Variants in RIMBP2 observed in about 807,000 individuals in gnomAD.
RIMBP2 encodes the protein RIMS-binding protein 2.
RIMBP2 carries 48 observed loss-of-function variants against 118.6 expected under a neutral mutation model. The ratio of observed to expected loss-of-function variants is 0.40; its 90% CI spans 0.32 to 0.51. RIMBP2 has a LOEUF of 0.51. RIMBP2 is among the 20% of genes least tolerant of loss of function. RIMBP2 has a pLI of 0.41. For synonymous variants in RIMBP2, 762 were observed against 742.9 expected (o/e 1.03, Z -0.42); for missense variants, 1,551 against 1,768.3 (o/e 0.88, Z 2.20).
chr12:130,645,580 C>T (rs1594133436), intron 1 of RIMBP2, among the ~76,000 whole-genome samples: 1 of 152,144 alleles, frequency 6.6e-6, no homozygotes, highest in African/African-American at 2.4e-5. Flanking sequence ...AAAGTCATGC[C>T]CTCTCCCACT....
chr12:130,571,552 T>A (rs573387783), intron 2 of RIMBP2, among the ~76,000 whole-genome samples: 34 of 151,980 alleles, frequency 2.2e-4, no homozygotes, highest in Non-Finnish European at 4.1e-4. Flanking sequence ...CCCGGGTAGC[T>A]GGAATTACAG....
intron 1 of RIMBP2, among the ~76,000 whole-genome samples, chr12:130,698,118 G>A (rs2065661865): frequency 1.3e-5 from 2 of 152,096 alleles, no homozygotes; most frequent in African/African-American, 4.8e-5. Context: ...AGACAGAGAA[G>A]GACAGGGAAG....
intron 1 of RIMBP2, among the ~76,000 whole-genome samples, chr12:130,681,376 T>C (rs1036178522): frequency 3.3e-5 from 5 of 152,234 alleles, no homozygotes; most frequent in African/African-American, 4.8e-5. Context: ...GTGAACACTT[T>C]AGTAACTTTA....
Position 130,438,501 on chromosome 12 carries a change from G to A in RIMBP2, c.1520C>T (p.Pro507Leu), listed in dbSNP as rs1313318719. ...CCCAGCCTGGACGGTAACATCTTGT[G>A]GGGGTGCTGGGGGTCCTGGGAGGGG... is the stretch of plus-strand genomic sequence containing the variant. ...STLPAGPPAP[P>L]QDVTVQAGVT... The change falls in exon 12 of 23, where the codon CCA (proline) becomes CTA (leucine). Residue 507 changes from proline to leucine, a missense_variant. Physicochemically the swap from Pro to Leu is moderately conservative, Grantham distance 98. Coordinates refer to ENST00000690449, the MANE Select transcript of RIMBP2 (RefSeq NM_001393629.1). The A allele has an allele frequency of 6.2e-7, 1 of 1,603,648 alleles. No individual in the cohort carries two copies. The highest frequency in any genetic ancestry group is 1.3e-5 in the African/African-American group (1 of 74,698).
chr12:130,462,482 G>A (rs1166822933), intron 6 of RIMBP2, among the ~76,000 whole-genome samples: 1 of 152,196 alleles, frequency 6.6e-6, no homozygotes, highest in Non-Finnish European at 1.5e-5. Flanking sequence ...TAAGGGATGG[G>A]AGAAACGGGC....
At chr12:130,433,571 G>A (rs190366626) in intron 14 of RIMBP2, among the ~76,000 whole-genome samples, 5 of 152,210 alleles carry the variant, frequency 3.3e-5, no homozygotes, top group Admixed American at 6.5e-5. Context: ...GTGGGCTTTC[G>A]GATGACACAT....
At chr12:130,570,894 G>T (rs1371824860) in intron 2 of RIMBP2, among the ~76,000 whole-genome samples, 1 of 152,186 alleles carries the variant, frequency 6.6e-6, no homozygotes, top group African/African-American at 2.4e-5. Context: ...GTGGATAAAG[G>T]AGAAATTAAC....
At chr12:130,521,399 A>C (rs1194768853) in intron 2 of RIMBP2, among the ~76,000 whole-genome samples, 4 of 152,198 alleles carry the variant, frequency 2.6e-5, no homozygotes, top group Admixed American at 2.6e-4. Flanking sequence ...ACTAGCCGTG[A>C]CAGTTCCCAG....
At position 130,641,541 on chromosome 12, in the gene RIMBP2, C is replaced by T. The variant is rs192687834; in HGVS notation, c.-351-13085G>A. 5.9e-5 allele frequency among the ~76,000 whole-genome samples: 9 copies of T among 152,224 alleles called. No individual in the cohort carries two copies. The East Asian group carries it at 7.8e-4, about 13-fold the overall frequency. ...GCTGGATTTAGGATGGTGACTGCAG[C>T]GCTTTGCCTTTCTTCTGCATCATAA... On this transcript the variant is annotated intron_variant, in intron 1 of 22. Transcript: ENST00000690449.
chr12:130,548,764 G>A lies in RIMBP2; in HGVS notation c.-216-30847C>T, dbSNP rs141245591. On this transcript the variant is annotated intron_variant, in intron 2 of 22. Coordinates refer to ENST00000690449, the MANE Select transcript of RIMBP2 (RefSeq NM_001393629.1). Reference sequence around the variant, plus strand: ...AATTTTTGTATTTTTAGTAGAGACGGGGTTTCACCATGTTGACCAGGCTGG... The same window carrying A: ...AATTTTTGTATTTTTAGTAGAGACGAGGTTTCACCATGTTGACCAGGCTGG... Among the ~76,000 whole-genome samples the A allele has an allele frequency of 9.6e-3, 1,452 of 151,502 alleles. 12 individuals are homozygous for A. Among genetic ancestry groups the A allele is most frequent in the Non-Finnish European group, 0.016 (1,076 of 67,918 alleles).
At chr12:130,591,488 A>ACAGT (rs1250341574) in intron 2 of RIMBP2, among the ~76,000 whole-genome samples, 2 of 151,862 alleles carry the variant, frequency 1.3e-5, no homozygotes, top group Non-Finnish European at 2.9e-5. Context: ...GTGACTTAGA[A>ACAGT]CAGTGGAAAT....
intron 1 of RIMBP2, among the ~76,000 whole-genome samples, chr12:130,679,262 C>T (rs1045488586): frequency 2.6e-5 from 4 of 152,164 alleles, no homozygotes; most frequent in Admixed American, 2.6e-4. Context: ...GATTCCAGTT[C>T]GCTGGATTTG....
chr12:130,450,846 G>T lies in RIMBP2; in HGVS notation c.504+349C>A, dbSNP rs1005748292. On this transcript the variant is annotated intron_variant, in intron 8 of 22. Coordinates refer to ENST00000690449, the MANE Select transcript of RIMBP2 (RefSeq NM_001393629.1). This position sits in a 1 kb window ranked among gnomAD's most constrained non-coding sequence, Gnocchi z 4.8. Reference sequence around the variant, plus strand: ...TCCCATCAATGCCACAGGACAGGACGCGCAGGGCCCTCCCCAACCTCCACA... The same window carrying T: ...TCCCATCAATGCCACAGGACAGGACTCGCAGGGCCCTCCCCAACCTCCACA... Among the ~76,000 whole-genome samples, 6 of 151,832 alleles carry T rather than the reference G, an allele frequency of 4.0e-5. No homozygotes were observed. Among genetic ancestry groups the T allele is most frequent in the Non-Finnish European group, 8.8e-5 (6 of 68,000 alleles).
chr12:130,627,136 A>G (rs2061691467), intron 2 of RIMBP2, among the ~76,000 whole-genome samples: 3 of 152,102 alleles, frequency 2.0e-5, no homozygotes, highest in Non-Finnish European at 1.5e-5. Flanking sequence ...CATCTCCTCC[A>G]TCACCAGGAC....
chr12:130,556,707 CCAACT>C (rs2056389644), intron 2 of RIMBP2, among the ~76,000 whole-genome samples: 1 of 152,184 alleles, frequency 6.6e-6, no homozygotes, highest in Non-Finnish European at 1.5e-5. Flanking sequence ...TGCTACCCTC[CCAACT>C]CAAGATGGTG....
At position 130,539,452 on chromosome 12, in the gene RIMBP2, G is replaced by A. The variant is rs572815318; in HGVS notation, c.-216-21535C>T. On this transcript the variant is annotated intron_variant, in intron 2 of 22. Transcript: ENST00000690449. The stretch of plus-strand genomic sequence containing the variant: ...TGAGTGCTGTGGGCACCTCGAGGGA[G>A]GAGCTCCAGGCAGAGGGAGCAGCAC... Among the ~76,000 whole-genome samples the A allele has an allele frequency of 8.5e-5, 13 of 152,362 alleles. No homozygotes were observed. The East Asian group carries it at 2.3e-3, about 27-fold the overall frequency.
chr12:130,654,148 T>G (rs2063335421), intron 1 of RIMBP2, among the ~76,000 whole-genome samples: 1 of 152,258 alleles, frequency 6.6e-6, no homozygotes, highest in Non-Finnish European at 1.5e-5. Context: ...CTCTGCCACA[T>G]GGCTAGGTTG....
intron 2 of RIMBP2, among the ~76,000 whole-genome samples, chr12:130,518,203 T>A (rs990935647): frequency 8.5e-5 from 13 of 152,242 alleles, no homozygotes; most frequent in African/African-American, 3.1e-4. Flanking sequence ...ACGGAACTTC[T>A]CGCCAATTGG....
chr12:130,641,726 G>A lies in RIMBP2; in HGVS notation c.-351-13270C>T, dbSNP rs73159130. ...GAGGTGGCCGTGCTGAGAGCACTCC[G>A]GGAAAATGAGTCAGCCTCAGGGCAC... On this transcript the variant is annotated intron_variant, in intron 1 of 22. Transcript: ENST00000690449. 6.0e-3 allele frequency among the ~76,000 whole-genome samples: 918 copies of A among 152,232 alleles called. 7 individuals carry two copies. The highest frequency in any genetic ancestry group is 0.015 in the African/African-American group (611 of 41,552).
Sources: gnomAD v4.1 joint callset for allele counts (sites outside exome capture counted in the v4.1 genomes callset) on GRCh38, gnomAD v4.1.1 for gene constraint, Gnocchi (gnomAD v3.1) non-coding constraint, MANE v1.5 for transcripts, NCBI Gene and HGNC (gene_info 2026-07-23, HGNC 2026-07-21) for gene names.